Variants in P4HA3 observed in about 807,000 individuals in gnomAD.
The protein encoded by P4HA3 is prolyl 4-hydroxylase subunit alpha-3.
A neutral mutation model predicts 66.7 loss-of-function variants in P4HA3; 60 were observed. That is an observed-to-expected ratio of 0.90 (90% CI 0.73 to 1.12). P4HA3 has a LOEUF of 1.12. P4HA3 is among the 50% of genes most tolerant of loss of function. The pLI, the probability that P4HA3 is intolerant of heterozygous loss-of-function variation, is 0.00. For synonymous variants in P4HA3, 263 were observed against 274.6 expected (o/e 0.96, Z 0.42); for missense variants, 683 against 685.8 (o/e 1.00, Z 0.05).
intron 2 of P4HA3, among the ~76,000 whole-genome samples, 161 bp from the exon 3 acceptor site, chr11:74,302,753 C>T (rs1231590262): frequency 6.6e-6 from 1 of 152,112 alleles, no homozygotes; most frequent in Non-Finnish European, 1.5e-5. Context: ...AGGGTGGATG[C>T]TTAATGCAAT....
At chr11:74,276,347 G>C (rs1042804463) in intron 9 of P4HA3, among the ~76,000 whole-genome samples, 1 of 152,130 alleles carries the variant, frequency 6.6e-6, no homozygotes, top group Admixed American at 6.6e-5. Flanking sequence ...AGGATCGCTT[G>C]AGCCCAGGAG....
At chr11:74,282,538 G>A (rs113607185) in intron 7 of P4HA3, among the ~76,000 whole-genome samples, 6,059 of 152,272 alleles carry the variant, frequency 0.04, 127 homozygotes, top group Middle Eastern at 0.11. Flanking sequence ...AGTGCCGGGG[G>A]AGATGTGGTA....
At chr11:74,279,318 T>C (rs572978117) in intron 8 of P4HA3, 70 bp downstream of exon 8, 7 of 1,438,700 alleles carry the variant, frequency 4.9e-6, no homozygotes, top group Admixed American at 3.4e-5. Context: ...TGGCTGTTGC[T>C]GACTGGCAGT....
chr11:74,289,035 G>A lies in P4HA3; in HGVS notation c.769+44C>T, dbSNP rs749507328. ...GGCCAGGAGCAGAAGGGAGTTCCCC[G>A]TAAATCAGACCTGTGGCTGGCTTAT... On this transcript the variant is annotated intron_variant, in intron 5 of 12. Transcript: ENST00000331597. 1.5e-5 allele frequency: 21 copies of A among 1,404,316 alleles called. 1 individual carries two copies. Among genetic ancestry groups the A allele is most frequent in the African/African-American group, 1.0e-4 (7 of 66,680 alleles). The allele number at this position is 1,404,316 out of a possible 1,614,324, so 87.0% of individuals were successfully genotyped here.
intron 14 of P4HA3, among the ~76,000 whole-genome samples, chr11:74,261,022 G>A (rs1230830760): frequency 6.6e-6 from 1 of 152,198 alleles, no homozygotes; most frequent in Non-Finnish European, 1.5e-5. Context: ...GCCTCTAGAG[G>A]TGCCATGCCC....
chr11:74,308,987 T>C (rs1861650000), intron 1 of P4HA3, among the ~76,000 whole-genome samples: 1 of 152,222 alleles, frequency 6.6e-6, no homozygotes, highest in African/African-American at 2.4e-5. Flanking sequence ...TAGAGGTCTG[T>C]TAAACTCCTG....
In P4HA3 at chr11:74,266,669, A is replaced by AT. The variant is rs1859997580; in HGVS notation, c.*578dup. On this transcript the variant is annotated 3_prime_UTR_variant, in exon 13 of 13. Coordinates refer to ENST00000331597, the MANE Select transcript of P4HA3 (RefSeq NM_182904.5). ...CAGTTGGGAAAAATGATTTATAAAC[A>AT]TTTTTAATGACTGTGTTAAAAAACC... The AT allele has an allele frequency of 5.7e-6, 1 of 175,658 alleles. No individual in the cohort carries two copies. Among genetic ancestry groups the AT allele is most frequent in the Non-Finnish European group, 1.2e-5 (1 of 81,866 alleles). 10.9% of individuals were successfully genotyped at this position (175,658 alleles called of 1,614,324 possible). A position where few individuals can be genotyped will look rare whatever the true frequency, so the allele number is the denominator to read the frequency against.
intron 5 of P4HA3, among the ~76,000 whole-genome samples, chr11:74,288,426 C>T (rs1282065428): frequency 5.3e-5 from 8 of 152,202 alleles, no homozygotes; most frequent in Admixed American, 5.2e-4. Context: ...CTTGGGTCTG[C>T]TTCCAAAATC....
intron 4 of P4HA3, among the ~76,000 whole-genome samples, chr11:74,297,609 T>C (rs1436906274): frequency 6.6e-6 from 1 of 152,014 alleles, no homozygotes; most frequent in Non-Finnish European, 1.5e-5. Flanking sequence ...GGAAATGAAC[T>C]TCTATATAAG....
At chr11:74,274,664 G>A (rs1860333419) in intron 9 of P4HA3, among the ~76,000 whole-genome samples, 1 of 152,138 alleles carries the variant, frequency 6.6e-6, no homozygotes, top group Admixed American at 6.5e-5. Flanking sequence ...CTGTACAAAT[G>A]TTTGTAGAGA....
In P4HA3 at chr11:74,285,954, C is replaced by T. The variant is rs1174264895; in HGVS notation, c.965G>A (p.Cys322Tyr). 5 of 1,610,446 alleles carry T rather than the reference C, an allele frequency of 3.1e-6. 1 individual carries two copies. In the South Asian group the frequency reaches 5.5e-5, roughly 18 times the overall value. The change falls in exon 7 of 13, where the codon TGT (cysteine) becomes TAT (tyrosine). Residue 322 changes from cysteine to tyrosine, a missense_variant. By Grantham distance (194) the Cys-to-Tyr change is radical. Coordinates refer to ENST00000331597, the MANE Select transcript of P4HA3 (RefSeq NM_182904.5). ...GGCGTTGGAATTGGTCTCATAGGAACAGTAGAGGCTAGGGATCTGGTAGAG... is the reference window on the plus strand; with the variant it reads ...GGCGTTGGAATTGGTCTCATAGGAATAGTAGAGGCTAGGGATCTGGTAGAG... ...PTLYQIPSLY[C>Y]SYETNSNAYL...
chr11:74,285,225 C>T (rs1860747997), intron 7 of P4HA3, among the ~76,000 whole-genome samples: 1 of 152,070 alleles, frequency 6.6e-6, no homozygotes, highest in Non-Finnish European at 1.5e-5. Context: ...GACTACTGTA[C>T]CTCTAAGTTC....
At chr11:74,255,680 T>C (rs905525177) in intron 15 of P4HA3, among the ~76,000 whole-genome samples, 17 of 152,208 alleles carry the variant, frequency 1.1e-4, no homozygotes, top group South Asian at 6.2e-4. Flanking sequence ...TACATTGTTA[T>C]AGTTAGGAAC....
Position 74,286,391 on chromosome 11 carries a change from CCTGG to C in P4HA3, c.770-4_770-1del. The stretch of plus-strand genomic sequence containing the variant: ...CCTGGCCATCCTCTTATTATCTGGG[CCTGG>C]AAGAAATCAGAGCAGGGAATATAAA... On this transcript the variant is annotated splice_acceptor_variant and splice_polypyrimidine_tract_variant and intron_variant, in intron 5 of 12. Coordinates refer to ENST00000331597, the MANE Select transcript of P4HA3 (RefSeq NM_182904.5). LOFTEE classifies it high-confidence loss of function. The C allele has an allele frequency of 6.5e-7, 1 of 1,534,082 alleles. No homozygotes were observed. Among genetic ancestry groups the C allele is most frequent in the Non-Finnish European group, 8.8e-7 (1 of 1,141,976 alleles).
In P4HA3 at chr11:74,266,986, A is replaced by G; in HGVS notation, c.*262T>C. ...CAACAGAGAGTATCTGAACTCCAGA[A>G]ACTTCCCTCTCAGGCCTCCACTCCC... On this transcript the variant is annotated 3_prime_UTR_variant, in exon 13 of 13. Transcript: ENST00000331597. 6.9e-7 allele frequency: 1 copy of G among 1,456,530 alleles called. No individual in the cohort carries two copies. 90.2% of individuals were successfully genotyped at this position (1,456,530 alleles called of 1,614,324 possible). A position where few individuals can be genotyped will look rare whatever the true frequency, so the allele number is the denominator to read the frequency against.
At chr11:74,257,893 G>T (rs1439512284) in intron 15 of P4HA3, among the ~76,000 whole-genome samples, 1 of 152,132 alleles carries the variant, frequency 6.6e-6, no homozygotes, top group Non-Finnish European at 1.5e-5. Flanking sequence ...ACAAGAAAGA[G>T]ACTAGTTAGA....
At chr11:74,269,173 T>C (rs925444776) in intron 11 of P4HA3, among the ~76,000 whole-genome samples, 5 of 147,126 alleles carry the variant, frequency 3.4e-5, no homozygotes, top group African/African-American at 1.2e-4. Context: ...GCAAACCTCT[T>C]AGACTCAGTT....
rs1351437971 is a variant in P4HA3 at position 74,311,541 on chromosome 11, G to C, written c.71C>G (p.Ala24Gly). 4 of 1,548,298 alleles carry C rather than the reference G, an allele frequency of 2.6e-6. No individual in the cohort carries two copies. The highest frequency in any genetic ancestry group is 3.5e-6 in the Non-Finnish European group (4 of 1,156,784). Residue 24 changes from alanine to glycine, a missense_variant, in exon 1 of 13, where the codon GCT becomes GGT. By Grantham distance (60) the Ala-to-Gly change is moderately conservative. Coordinates refer to ENST00000331597, the MANE Select transcript of P4HA3 (RefSeq NM_182904.5). ...CGAGAACGTGTCGCCCCGAGCCGCA[G>C]CCCTTTCTGGGTCTCCTGTCCCGAG... ...LALGTGDPERAAARGDTFSAL... is the reference protein window; with the variant it reads ...LALGTGDPERGAARGDTFSAL...
intron 15 of P4HA3, among the ~76,000 whole-genome samples, chr11:74,255,309 C>T (rs1859807240): frequency 6.6e-6 from 1 of 152,184 alleles, no homozygotes. Flanking sequence ...TTTCCGTGTC[C>T]CCCTCTTTTC....
Sources: gnomAD v4.1 joint callset for allele counts (sites outside exome capture counted in the v4.1 genomes callset) on GRCh38, gnomAD v4.1.1 for gene constraint, MANE v1.5 for transcripts, NCBI Gene and HGNC (gene_info 2026-07-23, HGNC 2026-07-21) for gene names.